Variants in DGLUCY observed in about 807,000 individuals in gnomAD.
DGLUCY encodes D-glutamate cyclase.
DGLUCY carries 58 observed loss-of-function variants against 58.5 expected under a neutral mutation model. The observed-to-expected ratio is 0.99, with a 90% CI of 0.80 to 1.23. The LOEUF (loss-of-function observed/expected upper bound fraction) is 1.23, where lower values mean the gene tolerates loss of function less well. DGLUCY is among the 50% of genes most tolerant of loss of function. The pLI is 0.00. For synonymous variants in DGLUCY, 325 were observed against 314.1 expected (o/e 1.03, Z -0.37); for missense variants, 779 against 784.7 (o/e 0.99, Z 0.09).
intron 12 of DGLUCY, among the ~76,000 whole-genome samples, chr14:91,212,933 G>A (rs557346822): frequency 1.3e-5 from 2 of 150,076 alleles, no homozygotes; most frequent in East Asian, 2.0e-4. Flanking sequence ...CCCAAGAGGC[G>A]GAGCCTGCAG....
chr14:91,202,706 G>GA (rs1450062291), intron 11 of DGLUCY, among the ~76,000 whole-genome samples: 1 of 152,184 alleles, frequency 6.6e-6, no homozygotes, highest in African/African-American at 2.4e-5. Flanking sequence ...GGGTCTGAGG[G>GA]AGCTGCTAGA....
chr14:91,129,820 A>G (rs2045932261), intron 1 of DGLUCY, among the ~76,000 whole-genome samples: 1 of 151,858 alleles, frequency 6.6e-6, no homozygotes, highest in African/African-American at 2.4e-5. Flanking sequence ...CTAATTTTGT[A>G]TTTTTAGTAG....
chr14:91,085,606 A>G (rs950263720), intron 1 of DGLUCY, among the ~76,000 whole-genome samples: 1 of 138,610 alleles, frequency 7.2e-6, no homozygotes, highest in Non-Finnish European at 1.5e-5. Context: ...GTCTCACTCT[A>G]TTCCCCAGGC....
At chr14:91,123,434 A>T (rs1326581327) in intron 1 of DGLUCY, among the ~76,000 whole-genome samples, 1 of 151,990 alleles carries the variant, frequency 6.6e-6, no homozygotes, top group East Asian at 1.9e-4. Context: ...CCTGTTTGGG[A>T]AAACTGTCAT....
chr14:91,142,486 G>T (rs778604848), intron 1 of DGLUCY, among the ~76,000 whole-genome samples: 5 of 152,102 alleles, frequency 3.3e-5, no homozygotes, highest in African/African-American at 9.7e-5. Context: ...AGAAGAGGAA[G>T]TTAGAAGAGG....
chr14:91,184,614 TGGAAGGAAGGAA>T (rs1225312394), intron 8 of DGLUCY, among the ~76,000 whole-genome samples: 4 of 71,490 alleles, frequency 5.6e-5, no homozygotes, highest in African/African-American at 2.6e-4. Context: ...AGTCTGATTC[TGGAAGGAAGGAA>T]GGAAGGAAGG....
chr14:91,182,898 G>GTTATTTTATT (rs59683770), intron 8 of DGLUCY, among the ~76,000 whole-genome samples: 5,790 of 149,530 alleles, frequency 0.039, 401 homozygotes, highest in African/African-American at 0.13. Context: ...ATTCCAATTA[G>GTTATTTTATT]TTATTTTATT....
chr14:91,176,448 T>A (rs998504586), intron 7 of DGLUCY, among the ~76,000 whole-genome samples: 6 of 152,118 alleles, frequency 3.9e-5, no homozygotes, highest in Middle Eastern at 6.8e-3. Flanking sequence ...ATGGTCTCAA[T>A]CTCCTGACCT....
intron 9 of DGLUCY, among the ~76,000 whole-genome samples, chr14:91,193,265 C>T (rs1450563166): frequency 6.6e-6 from 1 of 152,140 alleles, no homozygotes; most frequent in Non-Finnish European, 1.5e-5. Flanking sequence ...ACAGGCCAAC[C>T]TCATTTCCAT....
At chr14:91,140,098 G>T (rs74083974) in intron 1 of DGLUCY, among the ~76,000 whole-genome samples, 6,667 of 152,308 alleles carry the variant, frequency 0.044, 453 homozygotes, top group African/African-American at 0.15. Flanking sequence ...ACAGATTCTT[G>T]CATGACTCAG....
At chr14:91,136,531 A>C (rs1227231492) in intron 1 of DGLUCY, among the ~76,000 whole-genome samples, 1 of 151,580 alleles carries the variant, frequency 6.6e-6, no homozygotes, top group East Asian at 2.0e-4. Flanking sequence ...TAAAAATACA[A>C]AAATTAACCA....
At chr14:91,175,816 A>G (rs904734650) in intron 6 of DGLUCY, 118 bp from the exon 7 acceptor site, 14 of 1,209,750 alleles carry the variant, frequency 1.2e-5, no homozygotes, top group Non-Finnish European at 1.4e-5. Context: ...CTCAAATACC[A>G]TTTACAATAA....
intron 9 of DGLUCY, among the ~76,000 whole-genome samples, chr14:91,189,629 G>A (rs934855692): frequency 1.3e-5 from 2 of 152,102 alleles, no homozygotes; most frequent in African/African-American, 4.8e-5. Flanking sequence ...TTGGAGACGC[G>A]AGGCTGTAAT....
chr14:91,122,954 C>T (rs556915420), intron 1 of DGLUCY, among the ~76,000 whole-genome samples: 1 of 152,272 alleles, frequency 6.6e-6, no homozygotes, highest in South Asian at 2.1e-4. Flanking sequence ...AAGAGGCACT[C>T]ACTATGTAGC....
upstream of DGLUCY, among the ~76,000 whole-genome samples, chr14:91,112,940 A>G (rs1466154356): frequency 1.4e-5 from 2 of 143,598 alleles, no homozygotes; most frequent in East Asian, 2.2e-4. Flanking sequence ...CGGAGATTGC[A>G]GTGAGCCAAG....
At chr14:91,204,964 G>A in intron 12 of DGLUCY, 139 bp downstream of exon 12, 1 of 1,126,904 alleles carries the variant, frequency 8.9e-7, no homozygotes, top group Non-Finnish European at 1.3e-6. Flanking sequence ...GTGGTGCTCA[G>A]CCTATGACCT....
intron 3 of DGLUCY, among the ~76,000 whole-genome samples, chr14:91,166,742 G>A (rs906592847): frequency 1.3e-5 from 2 of 152,088 alleles, no homozygotes; most frequent in African/African-American, 2.4e-5. Context: ...GGCTGAAGCC[G>A]GAGGGTCACT....
At chr14:91,182,138 A>C (rs1449349727) in intron 8 of DGLUCY, among the ~76,000 whole-genome samples, 2 of 151,520 alleles carry the variant, frequency 1.3e-5, no homozygotes. Flanking sequence ...GTGCCACCCC[A>C]CCCAGCTAAT....
intron 1 of DGLUCY, among the ~76,000 whole-genome samples, chr14:91,149,824 A>G (rs551354888): frequency 6.6e-6 from 1 of 152,366 alleles, no homozygotes; most frequent in African/African-American, 2.4e-5. Flanking sequence ...AAGCAGATTT[A>G]CTTTGAAGAA....
Sources: gnomAD v4.1 joint callset for allele counts (sites outside exome capture counted in the v4.1 genomes callset) on GRCh38, gnomAD v4.1.1 for gene constraint, MANE v1.5 for transcripts, NCBI Gene and HGNC (gene_info 2026-07-23, HGNC 2026-07-21) for gene names.